The following DAAM1 variants were observed in gnomAD, a reference collection of about 807,000 sequenced individuals.
The protein encoded by DAAM1 is dishevelled associated activator of morphogenesis 1.
Under a neutral mutation model 130.0 loss-of-function variants are expected in DAAM1, and 52 were observed. The observed-to-expected ratio is 0.40, with a 90% confidence interval of 0.32 to 0.50. The LOEUF (loss-of-function observed/expected upper bound fraction) is 0.50, where lower values mean the gene tolerates loss of function less well. DAAM1 is among the 20% of genes least tolerant of loss of function. The pLI, the probability that DAAM1 is intolerant of heterozygous loss-of-function variation, is 0.61. For missense variants in DAAM1, 1,134 were observed against 1,303.8 expected, an observed-to-expected ratio of 0.87 and a Z score of 2.01; for synonymous variants, 452 against 444.5, an observed-to-expected ratio of 1.02 and a Z score of -0.21.
intron 1 of DAAM1, among the ~76,000 whole-genome samples, chr14:59,210,496 G>A (rs1292490157): frequency 1.3e-5 from 2 of 151,400 alleles, no homozygotes; most frequent in African/African-American, 2.5e-5. Context: ...AATATAATAA[G>A]CAGTCATTAA....
At chr14:59,192,149 GGTGTGTGTGTGTGTGTGTGTGTGTGT>G (rs55791691) in intron 1 of DAAM1, among the ~76,000 whole-genome samples, 17 of 138,650 alleles carry the variant, frequency 1.2e-4, no homozygotes, top group Admixed American at 7.3e-4. Context: ...CTTGTTAAGG[GGTGTGTGTGTGTGTGTGTGTGTGTGT>G]GTGTGTGTGT....
chr14:59,204,655 G>A (rs1006720979), intron 1 of DAAM1, among the ~76,000 whole-genome samples: 5 of 152,192 alleles, frequency 3.3e-5, no homozygotes, highest in African/African-American at 1.2e-4. Context: ...ATCATTTAAA[G>A]TTCTGCCTGT....
chr14:59,317,879 C>T lies in DAAM1; in HGVS notation c.345+2528C>T, dbSNP rs375624542. Among the ~76,000 whole-genome samples the T allele has an allele frequency of 1.1e-3, 160 of 152,206 alleles. 2 individuals are homozygous for T. Among genetic ancestry groups the T allele is most frequent in the African/African-American group, 3.8e-3 (156 of 41,534 alleles). ...GGCATGTGAAAGAGCCCTGGTTATCCCACCTTCTCCCCACCCCCAGGCCTA... is the reference window on the plus strand; with the variant it reads ...GGCATGTGAAAGAGCCCTGGTTATCTCACCTTCTCCCCACCCCCAGGCCTA... On this transcript the variant is annotated intron_variant, in intron 4 of 24. Coordinates refer to ENST00000360909, the MANE Select transcript of DAAM1 (RefSeq NM_001270520.2).
At chr14:59,361,478 C>G (rs888437696) in intron 22 of DAAM1, among the ~76,000 whole-genome samples, 3 of 152,036 alleles carry the variant, frequency 2.0e-5, no homozygotes, top group Non-Finnish European at 2.9e-5. Flanking sequence ...ACAATTGGCC[C>G]CTATTGGAGG....
At chr14:59,326,426 T>G in intron 10 of DAAM1, 84 bp from the exon 11 acceptor site, 1 of 1,417,956 alleles carries the variant, frequency 7.1e-7, no homozygotes, top group Non-Finnish European at 9.5e-7. Flanking sequence ...TTGGTGGCTT[T>G]AAAGGGTGAC....
At chr14:59,297,729 C>T (rs1317634279) in intron 3 of DAAM1, among the ~76,000 whole-genome samples, 1 of 152,152 alleles carries the variant, frequency 6.6e-6, no homozygotes, top group Non-Finnish European at 1.5e-5. Context: ...ACTTATATTA[C>T]AGTCTATTGT....
chr14:59,293,999 C>T (rs1407292970), intron 3 of DAAM1, among the ~76,000 whole-genome samples: 1 of 152,212 alleles, frequency 6.6e-6, no homozygotes, highest in East Asian at 1.9e-4. Flanking sequence ...AGCCAAGCCA[C>T]ATCCATTTCT....
At chr14:59,193,573 A>G (rs1475305210) in intron 1 of DAAM1, among the ~76,000 whole-genome samples, 1 of 152,200 alleles carries the variant, frequency 6.6e-6, no homozygotes. Context: ...ACATGTGTCT[A>G]AAAATGAACT....
At chr14:59,321,639 A>G (rs1296959562) in intron 5 of DAAM1, among the ~76,000 whole-genome samples, 1 of 152,236 alleles carries the variant, frequency 6.6e-6, no homozygotes, top group Non-Finnish European at 1.5e-5. Context: ...AATGAAGCCA[A>G]CTGGTTTAAC....
At chr14:59,293,122 T>G (rs1193267078) in intron 3 of DAAM1, among the ~76,000 whole-genome samples, 3 of 152,152 alleles carry the variant, frequency 2.0e-5, no homozygotes, top group Non-Finnish European at 2.9e-5. Context: ...CTATTTTGGC[T>G]CATCCTAGTG....
intron 1 of DAAM1, among the ~76,000 whole-genome samples, chr14:59,230,325 A>G (rs1405839841): frequency 6.8e-6 from 1 of 146,224 alleles, no homozygotes; most frequent in East Asian, 2.0e-4. Flanking sequence ...TTTTCCCCCC[A>G]CAAGCTAGGA....
chr14:59,207,358 A>G (rs974518311), intron 1 of DAAM1, among the ~76,000 whole-genome samples: 4 of 152,244 alleles, frequency 2.6e-5, no homozygotes, highest in Admixed American at 6.5e-5. Context: ...TTCTGCCTCT[A>G]CAGAGCTGTG....
rs201882818 is a variant in DAAM1 at position 59,326,090 on chromosome 14, G to C, written c.1174+13G>C. 4 of 1,607,680 alleles carry C rather than the reference G, an allele frequency of 2.5e-6. No homozygotes were observed. Among genetic ancestry groups the C allele is most frequent in the East Asian group, 4.5e-5 (2 of 44,820 alleles). ...CTCCAAATGCCTTGTAAGTGTGTTCGTGACTCACATGTGTGCTTCTGAATG... is the reference window on the plus strand; with the variant it reads ...CTCCAAATGCCTTGTAAGTGTGTTCCTGACTCACATGTGTGCTTCTGAATG... On this transcript the variant is annotated intron_variant, in intron 10 of 24. Coordinates refer to ENST00000360909, the MANE Select transcript of DAAM1 (RefSeq NM_001270520.2).
chr14:59,328,556 C>A (rs1885300268), intron 12 of DAAM1, among the ~76,000 whole-genome samples: 1 of 152,184 alleles, frequency 6.6e-6, no homozygotes, highest in African/African-American at 2.4e-5. Context: ...GGGTCTGAGT[C>A]TCAGCTCTCC....
At chr14:59,266,471 A>G (rs1221722636) in intron 2 of DAAM1, among the ~76,000 whole-genome samples, 1 of 152,222 alleles carries the variant, frequency 6.6e-6, no homozygotes, top group Non-Finnish European at 1.5e-5. Context: ...AAGGGAGAAA[A>G]TTCCACTCTC....
intron 12 of DAAM1, among the ~76,000 whole-genome samples, 181 bp from the exon 13 acceptor site, chr14:59,330,320 A>C (rs1885376900): frequency 1.3e-5 from 2 of 152,118 alleles, no homozygotes; most frequent in South Asian, 4.1e-4. Context: ...TCCGAAGCCC[A>C]CTCCAAGCAC....
intron 2 of DAAM1, among the ~76,000 whole-genome samples, chr14:59,285,055 G>C (rs1003902268): frequency 6.6e-6 from 1 of 152,126 alleles, no homozygotes; most frequent in Non-Finnish European, 1.5e-5. Flanking sequence ...AAGGCAGCTA[G>C]AGAGAAGGGG....
intron 2 of DAAM1, among the ~76,000 whole-genome samples, chr14:59,269,445 G>A (rs1007683392): frequency 6.6e-6 from 1 of 152,260 alleles, no homozygotes; most frequent in African/African-American, 2.4e-5. Flanking sequence ...GAGCTCTACA[G>A]TTGTCCAGCT....
At chr14:59,195,174 T>A (rs1887847007) in intron 1 of DAAM1, among the ~76,000 whole-genome samples, 3 of 144,250 alleles carry the variant, frequency 2.1e-5, no homozygotes, top group African/African-American at 5.2e-5. Flanking sequence ...GAGACAATCT[T>A]GCTCTGTCGC....
Sources: gnomAD v4.1 joint callset for allele counts (sites outside exome capture counted in the v4.1 genomes callset) on GRCh38, gnomAD v4.1.1 for gene constraint, MANE v1.5 for transcripts, NCBI Gene and HGNC (gene_info 2026-07-23, HGNC 2026-07-21) for gene names.